Variants in ITIH5 observed in about 807,000 individuals in gnomAD.
ITIH5 encodes inter-alpha-trypsin inhibitor heavy chain 5.
ITIH5 carries 65 observed loss-of-function variants against 77.5 expected under a neutral mutation model. That is an observed-to-expected ratio of 0.84 (90% CI 0.69 to 1.03). The LOEUF (loss-of-function observed/expected upper bound fraction) is 1.03. Among genes scored for constraint, ITIH5 ranks in the 50% least tolerant of loss-of-function variants. The pLI is 0.00. For missense variants in ITIH5, 1,208 were observed against 1,213.1 expected (o/e 1.00, Z 0.06); for synonymous variants, 525 against 494.3 (o/e 1.06, Z -0.82).
chr10:7,639,366 C>T (rs779271694), intron 4 of ITIH5, among the ~76,000 whole-genome samples: 17 of 152,184 alleles, frequency 1.1e-4, no homozygotes, highest in Non-Finnish European at 1.8e-4. Flanking sequence ...TTAGAAACTA[C>T]GACATTAAGA....
intron 13 of ITIH5, among the ~76,000 whole-genome samples, chr10:7,564,436 T>C (rs561466055): frequency 2.0e-5 from 3 of 152,186 alleles, no homozygotes; most frequent in Non-Finnish European, 2.9e-5. Context: ...CCCATAAGAT[T>C]ATAATAGCAT....
chr10:7,563,123 G>A lies in ITIH5; in HGVS notation c.2789C>T (p.Thr930Ile). The A allele has an allele frequency of 6.2e-7, 1 of 1,613,848 alleles. No individual in the cohort carries two copies. The highest frequency in any genetic ancestry group is 8.5e-7 in the Non-Finnish European group (1 of 1,179,726). Reference protein sequence around the residue: ...KDYLASHPFDTGMTLGRGMSR... With the variant: ...KDYLASHPFDIGMTLGRGMSR... ...CATTCCCCGGCCAAGTGTCATCCCT[G>A]TGTCAAATGGATGGGATGCCAGGTA... The change falls in exon 14 of 14, where the codon ACA becomes ATA. Residue 930 changes from threonine (T) to isoleucine (I), a missense_variant. By Grantham distance (89) the Thr-to-Ile change is moderately conservative. Coordinates refer to ENST00000397146, the MANE Select transcript of ITIH5 (RefSeq NM_030569.7).
At chr10:7,654,905 G>T (rs2131105504) in intron 2 of ITIH5, among the ~76,000 whole-genome samples, 1 of 152,218 alleles carries the variant, frequency 6.6e-6, no homozygotes, top group South Asian at 2.1e-4. Flanking sequence ...TGGGGTATGG[G>T]GAGGTAAGAT....
At chr10:7,605,540 C>T (rs1275692442) in intron 7 of ITIH5, among the ~76,000 whole-genome samples, 4 of 151,408 alleles carry the variant, frequency 2.6e-5, no homozygotes, top group Admixed American at 2.0e-4. Context: ...AGCACCCCAC[C>T]CCCAACAGCC....
intron 1 of ITIH5, among the ~76,000 whole-genome samples, chr10:7,658,902 T>C (rs530235500): frequency 6.6e-6 from 1 of 152,206 alleles, no homozygotes; most frequent in Admixed American, 6.5e-5. Flanking sequence ...CAAGGAGGCA[T>C]GTCAAACCCC....
chr10:7,666,412 T>A (rs190324957), intron 1 of ITIH5, among the ~76,000 whole-genome samples: 129 of 152,144 alleles, frequency 8.5e-4, no homozygotes, highest in African/African-American at 2.8e-3. Context: ...TCATATTGCC[T>A]TTCTCCCTGG....
At chr10:7,598,281 A>G (rs1264199739) in intron 7 of ITIH5, among the ~76,000 whole-genome samples, 1 of 152,230 alleles carries the variant, frequency 6.6e-6, no homozygotes, top group Non-Finnish European at 1.5e-5. Context: ...CTCTGTCAAC[A>G]AGGGAAATCT....
In ITIH5 at chr10:7,559,875, G is replaced by A. The variant is rs1490624154; in HGVS notation, c.*3208C>T. On this transcript the variant is annotated 3_prime_UTR_variant, in exon 14 of 14. Transcript: ENST00000397146. ...TTGTTTTGTTTTGTTTTTTTTTGAC[G>A]GAGTTTGGCTCTGTCACTCCAGCTG... 2.2e-5 allele frequency: 10 copies of A among 452,484 alleles called. No individual in the cohort carries two copies. Among genetic ancestry groups the A allele is most frequent in the East Asian group, 7.0e-5 (1 of 14,292 alleles). 28.0% of individuals were successfully genotyped at this position (452,484 alleles called of 1,614,324 possible). A position where few individuals can be genotyped will look rare whatever the true frequency, so the allele number is the denominator to read the frequency against.
At chr10:7,633,255 G>A (rs139988965) in intron 5 of ITIH5, among the ~76,000 whole-genome samples, 10 of 152,294 alleles carry the variant, frequency 6.6e-5, no homozygotes, top group African/African-American at 2.4e-4. Context: ...CCACGTACCT[G>A]TGTTAACTAT....
intron 8 of ITIH5, among the ~76,000 whole-genome samples, chr10:7,581,489 T>C (rs1832551668): frequency 6.6e-6 from 1 of 152,000 alleles, no homozygotes; most frequent in Admixed American, 6.6e-5. Flanking sequence ...TTTTCTTTAT[T>C]CCTCAAATGT....
intron 7 of ITIH5, among the ~76,000 whole-genome samples, chr10:7,599,741 G>A (rs780655202): frequency 3.3e-5 from 5 of 152,114 alleles, no homozygotes; most frequent in East Asian, 1.9e-4. Context: ...CATGCTCCAC[G>A]TAAAATCATG....
chr10:7,619,605 C>T (rs1056158305), intron 5 of ITIH5: 2 of 392,394 alleles, frequency 5.1e-6, no homozygotes, highest in African/African-American at 2.1e-5. Flanking sequence ...GGGGAAGCCT[C>T]GGGAAACTTA....
rs1564269669 is a variant in ITIH5 at position 7,629,285 on chromosome 10, CCCTGTTGTAGCGTGTGT to C, written c.652+7926_652+7942del. 1.2e-4 allele frequency among the ~76,000 whole-genome samples: 14 copies of C among 113,474 alleles called. 2 individuals carry two copies. Among genetic ancestry groups the C allele is most frequent in the African/African-American group, 5.6e-4 (14 of 25,212 alleles). The allele number at this position is 113,474 out of a possible 152,430, so 74.4% of individuals were successfully genotyped here. A position where few individuals can be genotyped will look rare whatever the true frequency, so the allele number is the denominator to read the frequency against. ...CGTGTGTCCATGTTGTAGCGTGTGT[CCCTGTTGTAGCGTGTGT>C]CCATGTTGTAGCGTGTGCCCATGTT... On this transcript the variant is annotated intron_variant, in intron 5 of 13. Transcript: ENST00000397146.
intron 5 of ITIH5, among the ~76,000 whole-genome samples, chr10:7,627,138 G>A (rs764112820): frequency 6.6e-6 from 1 of 152,010 alleles, no homozygotes; most frequent in Non-Finnish European, 1.5e-5. Context: ...TTTCAAAAAC[G>A]GGGTGGTGGG....
Position 7,569,653 on chromosome 10 carries a change from G to A in ITIH5, c.2149+15C>T. On this transcript the variant is annotated intron_variant, in intron 12 of 13. Coordinates refer to ENST00000397146, the MANE Select transcript of ITIH5 (RefSeq NM_030569.7). Reference sequence around the variant, plus strand: ...TGGTCCTTGCCCAGATGCTGCAGCGGAAGGTAGAACTTACCAGAGTCCCTG... The same window carrying A: ...TGGTCCTTGCCCAGATGCTGCAGCGAAAGGTAGAACTTACCAGAGTCCCTG... 6.5e-7 allele frequency: 1 copy of A among 1,542,826 alleles called. No homozygotes were observed. Among genetic ancestry groups the A allele is most frequent in the Non-Finnish European group, 8.8e-7 (1 of 1,130,276 alleles).
At position 7,605,084 on chromosome 10, in the gene ITIH5, A is replaced by T. The variant is rs1024456251; in HGVS notation, c.939+10898T>A. On this transcript the variant is annotated intron_variant, in intron 7 of 13. Transcript: ENST00000397146. ...TGATCTGCCCCTCTTGGCCTCCCAA[A>T]GTGCTGGGATTACAAGCATGAGCCA... is the stretch of plus-strand genomic sequence containing the variant. Among the ~76,000 whole-genome samples the T allele has an allele frequency of 6.6e-5, 10 of 151,924 alleles. No individual in the cohort carries two copies. In the East Asian group the frequency reaches 1.2e-3, roughly 18 times the overall value.
rs59350117 is a variant in ITIH5, at chr10:7,567,319, TTTATTATTA to T, written c.2150-921_2150-913del. On this transcript the variant is annotated intron_variant, in intron 12 of 13. Transcript: ENST00000397146. ...GCTGCTGATCCTAATTCGGACATCT[TTTATTATTA>T]TTATTATTATTATTATTATTATTAT... is the stretch of plus-strand genomic sequence containing the variant. Among the ~76,000 whole-genome samples, 109 of 139,492 alleles carry T rather than the reference TTTATTATTA, an allele frequency of 7.8e-4. 3 individuals carry two copies. Among genetic ancestry groups the T allele is most frequent in the East Asian group, 6.1e-3 (29 of 4,778 alleles). The allele number at this position is 139,492 out of a possible 152,430, so 91.5% of individuals were successfully genotyped here.
chr10:7,596,143 G>GT (rs1310113674), intron 7 of ITIH5, among the ~76,000 whole-genome samples: 1 of 152,154 alleles, frequency 6.6e-6, no homozygotes, highest in African/African-American at 2.4e-5. Context: ...CTTTAATGGT[G>GT]TCTGTCCTGC....
chr10:7,581,959 T>A (rs1832568590), intron 8 of ITIH5, among the ~76,000 whole-genome samples: 1 of 146,572 alleles, frequency 6.8e-6, no homozygotes, highest in Non-Finnish European at 1.5e-5. Flanking sequence ...CACTGCAACC[T>A]CTGCCTCCTG....
Sources: allele counts gnomAD v4.1 joint callset (sites outside exome capture counted in the v4.1 genomes callset), GRCh38; gene constraint gnomAD v4.1.1; transcripts MANE v1.5; gene names NCBI Gene and HGNC (gene_info 2026-07-23, HGNC 2026-07-21).